The following ABCA9 variants were observed in gnomAD, a reference collection of about 807,000 sequenced individuals.
ABCA9 encodes ATP-binding cassette sub-family A member 9.
In ABCA9, 183 loss-of-function variants were observed where a neutral mutation model predicts 205.3. The observed-to-expected ratio is 0.89, with a 90% CI of 0.79 to 1.01. The LOEUF (loss-of-function observed/expected upper bound fraction) is 1.01, where lower values mean the gene tolerates loss of function less well. Ranked by LOEUF, ABCA9 falls within the 50% of genes least tolerant of loss-of-function variation. The probability of loss-of-function intolerance (pLI) is 0.00; values close to 1 mark genes in which losing one functional copy is unlikely to be tolerated. For missense variants in ABCA9, 1,805 were observed against 1,912.4 expected (o/e 0.94, Z 1.05); for synonymous variants, 651 against 683.3 (o/e 0.95, Z 0.74).
chr17:69,003,197 A>G (rs1015514175), intron 25 of ABCA9, among the ~76,000 whole-genome samples: 162 of 150,044 alleles, frequency 1.1e-3, no homozygotes, highest in Middle Eastern at 3.4e-3. Context: ...TAGTTGATGC[A>G]GTTTCTTCCT....
At chr17:69,041,538 T>C (rs1293687093) in intron 6 of ABCA9, among the ~76,000 whole-genome samples, 1 of 152,034 alleles carries the variant, frequency 6.6e-6, no homozygotes, top group Non-Finnish European at 1.5e-5. Flanking sequence ...ACTCTTTCTC[T>C]ACTAAAAGTA....
chr17:69,065,851 C>G (rs2072343550), upstream of ABCA9, among the ~76,000 whole-genome samples: 3 of 152,126 alleles, frequency 2.0e-5, no homozygotes, highest in Admixed American at 2.0e-4. Context: ...CAGTTACCCT[C>G]AGGCTGTTCT....
In ABCA9 at chr17:69,049,343, G is replaced by A. The variant is rs1332149865; in HGVS notation, c.244C>T (p.Pro82Ser). The A allele has an allele frequency of 1.2e-6, 2 of 1,613,248 alleles. No homozygotes were observed. The highest frequency in any genetic ancestry group is 1.7e-4 in the Middle Eastern group (1 of 6,052). ...NDTNYVIAFA[P>S]ESKTTQEIMN... ...ATCTCTTGGGTAGTTTTGGATTCAG[G>A]TGCAAATGCAATAACATAATTAGTA... The change falls in exon 3 of 39, where the codon CCT (proline) becomes TCT (serine). Residue 82 changes from proline (P) to serine (S), a missense_variant. Transcript: ENST00000340001.
At chr17:68,993,291 T>G (rs1211477010) in intron 26 of ABCA9, among the ~76,000 whole-genome samples, 4 of 152,246 alleles carry the variant, frequency 2.6e-5, no homozygotes, top group Non-Finnish European at 5.9e-5. Flanking sequence ...TGCCTTTGTA[T>G]GTAACACTGT....
intron 3 of ABCA9, among the ~76,000 whole-genome samples, chr17:69,047,830 C>A (rs1488078580): frequency 6.6e-6 from 1 of 152,184 alleles, no homozygotes; most frequent in Admixed American, 6.6e-5. Flanking sequence ...CTAGCCACCC[C>A]ACTTCAGTTG....
intron 25 of ABCA9, among the ~76,000 whole-genome samples, chr17:69,005,961 A>C (rs1287648333): frequency 6.6e-6 from 1 of 152,140 alleles, no homozygotes; most frequent in African/African-American, 2.4e-5. Context: ...TTCATCTGCT[A>C]TTTGGGCAGC....
intron 6 of ABCA9, among the ~76,000 whole-genome samples, chr17:69,037,755 CA>C (rs971445999): frequency 3.3e-5 from 5 of 149,658 alleles, no homozygotes; most frequent in African/African-American, 7.3e-5. Context: ...AAAAACCCTG[CA>C]AAAAAAATCA....
In ABCA9 at chr17:69,049,359, A is replaced by G. The variant is rs2144498309; in HGVS notation, c.228T>C (p.Tyr76=). 6.2e-7 allele frequency: 1 copy of G among 1,613,350 alleles called. No homozygotes were observed. The change falls in exon 3 of 39, where the codon TAT becomes TAC. Residue 76 remains tyrosine, a synonymous_variant. Transcript: ENST00000340001. ...GRVDSFNDTN[Y]VIAFAPESKT... is the part of the protein sequence containing the mutation. ...TGGATTCAGGTGCAAATGCAATAAC[A>G]TAATTAGTATCATTAAAACTATCTA...
intron 2 of ABCA9, among the ~76,000 whole-genome samples, chr17:69,050,276 A>T (rs767920546): frequency 3.9e-5 from 6 of 151,912 alleles, no homozygotes; most frequent in Non-Finnish European, 5.9e-5. Flanking sequence ...ATTGTTGTAT[A>T]CTTTATTCCC....
intron 26 of ABCA9, among the ~76,000 whole-genome samples, chr17:68,993,887 T>C (rs1466375198): frequency 6.6e-6 from 1 of 152,188 alleles, no homozygotes; most frequent in African/African-American, 2.4e-5. Flanking sequence ...ACTATATTTT[T>C]TTTTATGGGA....
intron 8 of ABCA9, 70 bp from the exon 9 acceptor site, chr17:69,033,943 C>T: frequency 1.6e-6 from 2 of 1,263,628 alleles, no homozygotes; most frequent in Middle Eastern, 2.6e-4. Flanking sequence ...TGTTTTATTT[C>T]TGCTACAACT....
the ABCA9 span, among the ~76,000 whole-genome samples, chr17:69,076,218 T>G: frequency 2.6e-5 from 4 of 152,158 alleles, no homozygotes; most frequent in African/African-American, 7.2e-5. Context: ...GTTGAGGGTT[T>G]TTATCATGAA....
In ABCA9 at chr17:68,990,018, AT is replaced by A. The variant is rs1388307668; in HGVS notation, c.3838-89del. On this transcript the variant is annotated intron_variant, in intron 29 of 38. Transcript: ENST00000340001. ...CACTCTTGTCACCAAACCTTTCCTT[AT>A]AAAAAATCATGAATCAAACCACTTC... The A allele has an allele frequency of 1.4e-5, 13 of 920,704 alleles. No individual in the cohort carries two copies. In the African/African-American group the frequency reaches 2.2e-4, roughly 15 times the overall value. The allele number at this position is 920,704 out of a possible 1,614,324, so 57.0% of individuals were successfully genotyped here.
At chr17:69,035,874 T>C in intron 6 of ABCA9, 73 bp from the exon 7 acceptor site, 1 of 1,511,450 alleles carries the variant, frequency 6.6e-7, no homozygotes, top group Non-Finnish European at 8.9e-7. Context: ...ATTCAGCAAA[T>C]GATTTGTGAA....
chr17:68,997,879 T>C (rs542234580), intron 25 of ABCA9, among the ~76,000 whole-genome samples: 1 of 152,214 alleles, frequency 6.6e-6, no homozygotes, highest in African/African-American at 2.4e-5. Context: ...AATTTTTAAT[T>C]ATATGTATCC....
upstream of ABCA9, among the ~76,000 whole-genome samples, chr17:69,065,109 T>G (rs1018431087): frequency 6.6e-6 from 1 of 152,240 alleles, no homozygotes; most frequent in Non-Finnish European, 1.5e-5. Flanking sequence ...TAACCACAAG[T>G]GTAGGGAATT....
chr17:69,032,298 G>T, intron 9 of ABCA9, 22 bp from the exon 10 acceptor site: 1 of 1,607,342 alleles, frequency 6.2e-7, no homozygotes, highest in South Asian at 1.1e-5. Context: ...GGAGGCAATT[G>T]AATACTGGGT....
At chr17:68,998,545 G>A (rs1261876198) in intron 25 of ABCA9, among the ~76,000 whole-genome samples, 1 of 151,938 alleles carries the variant, frequency 6.6e-6, no homozygotes, top group Non-Finnish European at 1.5e-5. Context: ...TTCCATAACA[G>A]TTCTTTCTAA....
chr17:69,027,491 T>G (rs990445985), intron 13 of ABCA9, 42 bp from the exon 14 acceptor site: 1 of 1,577,978 alleles, frequency 6.3e-7, no homozygotes, highest in Non-Finnish European at 8.6e-7. Flanking sequence ...CCAGAAAGTT[T>G]ATTTTAAAAA....
Sources: gnomAD v4.1 joint callset for allele counts (sites outside exome capture counted in the v4.1 genomes callset) on GRCh38, gnomAD v4.1.1 for gene constraint, MANE v1.5 for transcripts, NCBI Gene and HGNC (gene_info 2026-07-23, HGNC 2026-07-21) for gene names.